Variants in ZNF490 observed in about 807,000 individuals in gnomAD.
ZNF490 encodes zinc finger protein 490.
In ZNF490, 11 loss-of-function variants were observed where a neutral mutation model predicts 17.7. The observed-to-expected ratio is 0.62, with a 90% CI of 0.39 to 1.03. The LOEUF is 1.03. ZNF490 is among the 50% of genes least tolerant of loss of function. ZNF490 has a pLI of 0.00. For missense variants in ZNF490, 542 were observed against 643.4 expected (o/e 0.84, Z 1.71); for synonymous variants, 222 against 216.1 (o/e 1.03, Z -0.24).
intron 2 of ZNF490, among the ~76,000 whole-genome samples, chr19:12,602,143 TC>T (rs1276900029): frequency 2.7e-5 from 4 of 148,270 alleles, no homozygotes; most frequent in Non-Finnish European, 6.0e-5. Context: ...TGGGCCTATT[TC>T]TGGAATTTCA....
At chr19:12,601,788 C>G (rs1010885818) in intron 2 of ZNF490, among the ~76,000 whole-genome samples, 5 of 151,686 alleles carry the variant, frequency 3.3e-5, no homozygotes, top group Admixed American at 6.6e-5. Context: ...GTCAGGAGAT[C>G]GAGACCATCC....
intron 2 of ZNF490, among the ~76,000 whole-genome samples, chr19:12,589,616 GGA>G (rs1410524226): frequency 2.0e-5 from 3 of 148,370 alleles, no homozygotes; most frequent in Admixed American, 6.8e-5. Flanking sequence ...TGCCCAGGCT[GGA>G]GTATATTGGC....
At chr19:12,606,535 C>G (rs4804201) in intron 2 of ZNF490, among the ~76,000 whole-genome samples, 95,935 of 151,254 alleles carry the variant, frequency 0.63, 31,214 homozygotes, top group Non-Finnish European at 0.69. Context: ...AGTAGAGATG[C>G]GGTTTCGCCA....
At chr19:12,591,326 G>A (rs2022868325) in intron 2 of ZNF490, among the ~76,000 whole-genome samples, 1 of 151,312 alleles carries the variant, frequency 6.6e-6, no homozygotes, top group Non-Finnish European at 1.5e-5. Flanking sequence ...AGAAGCTGAT[G>A]TTGCAGTGAG....
At position 12,577,680 on chromosome 19, in the gene ZNF490, C is replaced by A; in HGVS notation, c.*2805G>T. ...GGCCTCTGGACCCTAGTATCTTCAC[C>A]GTGGTTTTGGATGCTGCCACCTGAC... On this transcript the variant is annotated 3_prime_UTR_variant, in exon 5 of 5. Coordinates refer to ENST00000311437, the MANE Select transcript of ZNF490 (RefSeq NM_020714.3). The A allele has an allele frequency of 1.0e-6, 1 of 985,490 alleles. No individual in the cohort carries two copies. The highest frequency in any genetic ancestry group is 1.7e-5 in the African/African-American group (1 of 57,348). The allele number at this position is 985,490 out of a possible 1,614,324, so 61.0% of individuals were successfully genotyped here. A position where few individuals can be genotyped will look rare whatever the true frequency, so the allele number is the denominator to read the frequency against.
Position 12,576,122 on chromosome 19 carries a change from T to G in ZNF490, c.*4363A>C, listed in dbSNP as rs924787158. On this transcript the variant is annotated 3_prime_UTR_variant, in exon 5 of 5. Coordinates refer to ENST00000311437, the MANE Select transcript of ZNF490 (RefSeq NM_020714.3). ...ATCTTTGATGGTGAAAAACCATATT[T>G]TTAATATCTAATATCAGAAACAAGG... 1.4e-4 allele frequency among the ~76,000 whole-genome samples: 21 copies of G among 152,214 alleles called. No individual in the cohort carries two copies. The highest frequency in any genetic ancestry group is 5.1e-4 in the African/African-American group (21 of 41,462).
chr19:12,583,811 A>ATATT (rs1290469134), intron 2 of ZNF490, among the ~76,000 whole-genome samples: 1 of 78,666 alleles, frequency 1.3e-5, no homozygotes, highest in East Asian at 4.0e-4. Flanking sequence ...ATATATATAT[A>ATATT]TTTTTTTTTT....
At chr19:12,591,948 T>C (rs2022877679) in intron 2 of ZNF490, among the ~76,000 whole-genome samples, 1 of 152,184 alleles carries the variant, frequency 6.6e-6, no homozygotes, top group Non-Finnish European at 1.5e-5. Flanking sequence ...ATGCTTATAG[T>C]TTTATTCAAA....
chr19:12,610,619 CTCT>C lies in ZNF490; in HGVS notation c.59_61del (p.Gln20_Ser21delinsArg). On this transcript the variant is annotated inframe_deletion, in exon 1 of 5. Coordinates refer to ENST00000311437, the MANE Select transcript of ZNF490 (RefSeq NM_020714.3). Reference sequence around the variant, plus strand: ...GCGGCCTTGACTAGACGACCACTTGCTCTGGACTTGCTCCTCGAGGGGTCGCTC... The same window carrying C: ...GCGGCCTTGACTAGACGACCACTTGCGGACTTGCTCCTCGAGGGGTCGCTC... 1 of 1,614,026 alleles carries C rather than the reference CTCT, an allele frequency of 6.2e-7. No individual in the cohort carries two copies. The highest frequency in any genetic ancestry group is 8.5e-7 in the Non-Finnish European group (1 of 1,180,028).
At chr19:12,591,657 TA>T (rs955474892) in intron 2 of ZNF490, among the ~76,000 whole-genome samples, 2 of 150,776 alleles carry the variant, frequency 1.3e-5, no homozygotes, top group Admixed American at 1.3e-4. Flanking sequence ...CATTAGGGAA[TA>T]AAAAAAAACT....
chr19:12,599,363 A>C (rs2022975467), intron 2 of ZNF490, among the ~76,000 whole-genome samples: 1 of 152,174 alleles, frequency 6.6e-6, no homozygotes, highest in Non-Finnish European at 1.5e-5. Flanking sequence ...CATATCATAG[A>C]GTGTAAGTCA....
rs1458464238 is a variant in ZNF490, at chr19:12,576,614, G to A, written c.*3871C>T. Among the ~76,000 whole-genome samples the A allele has an allele frequency of 2.0e-5, 3 of 151,536 alleles. No homozygotes were observed. The South Asian group carries it at 6.2e-4, about 31-fold the overall frequency. On this transcript the variant is annotated 3_prime_UTR_variant, in exon 5 of 5. Coordinates refer to ENST00000311437, the MANE Select transcript of ZNF490 (RefSeq NM_020714.3). ...GTGGATCACAAGGTCAGGAGATTGAGACCATCCTGGTCAACATGGTGAAAC... is the reference window on the plus strand; with the variant it reads ...GTGGATCACAAGGTCAGGAGATTGAAACCATCCTGGTCAACATGGTGAAAC...
rs374202755 is a variant in ZNF490 at position 12,592,952 on chromosome 19, C to T, written c.163-9396G>A. 2.0e-5 allele frequency among the ~76,000 whole-genome samples: 3 copies of T among 152,170 alleles called. No homozygotes were observed. The East Asian group carries it at 5.8e-4, about 29-fold the overall frequency. Reference sequence around the variant, plus strand: ...ACTGGTTGATGAATGAAACATACAACCTTTCACTCAATTCATGAATTTTAT... The same window carrying T: ...ACTGGTTGATGAATGAAACATACAATCTTTCACTCAATTCATGAATTTTAT... On this transcript the variant is annotated intron_variant, in intron 2 of 4. Coordinates refer to ENST00000311437, the MANE Select transcript of ZNF490 (RefSeq NM_020714.3).
chr19:12,581,526 T>A lies in ZNF490; in HGVS notation c.549A>T (p.Pro183=). 6.2e-7 allele frequency: 1 copy of A among 1,614,200 alleles called. No homozygotes were observed. Among genetic ancestry groups the A allele is most frequent in the Non-Finnish European group, 8.5e-7 (1 of 1,180,038 alleles). Residue 183 remains proline (P), a synonymous_variant, in exon 5 of 5, where the codon CCA becomes CCT. Transcript: ENST00000311437. ...RHMRSHTEQK[P]NECHEYGEKP... is the part of the protein sequence containing the mutation. ...TCTCTCCATATTCGTGACACTCATTTGGTTTCTGTTCAGTGTGAGATCTCA... is the reference window on the plus strand; with the variant it reads ...TCTCTCCATATTCGTGACACTCATTAGGTTTCTGTTCAGTGTGAGATCTCA...
chr19:12,581,209 T>C lies in ZNF490; in HGVS notation c.866A>G (p.Tyr289Cys). Residue 289 changes from tyrosine to cysteine, a missense_variant, in exon 5 of 5, where the codon TAT becomes TGT. Physicochemically the swap from Tyr to Cys is radical, Grantham distance 194. Coordinates refer to ENST00000311437, the MANE Select transcript of ZNF490 (RefSeq NM_020714.3). ...KCKQCGKAFI[Y>C]YQPFLTHERT... ...TTCGTGGGTTAGAAAAGGCTGGTAA[T>C]ATATAAAGGCTTTTCCACACTGTTT... 6.2e-7 allele frequency: 1 copy of C among 1,610,518 alleles called. No individual in the cohort carries two copies. The highest frequency in any genetic ancestry group is 2.2e-5 in the East Asian group (1 of 44,852).
chr19:12,604,912 G>C (rs2023050138), intron 2 of ZNF490, among the ~76,000 whole-genome samples: 1 of 152,032 alleles, frequency 6.6e-6, no homozygotes, highest in Non-Finnish European at 1.5e-5. Context: ...CCAGCACTTT[G>C]GGAGGCCAAG....
chr19:12,604,183 G>A (rs1234317784), intron 2 of ZNF490, among the ~76,000 whole-genome samples: 1 of 152,208 alleles, frequency 6.6e-6, no homozygotes, highest in Non-Finnish European at 1.5e-5. Context: ...ATGCCTGGAG[G>A]TATCTCTTCA....
At chr19:12,583,809 A>ATTTT (rs2022778086) in intron 2 of ZNF490, among the ~76,000 whole-genome samples, 4 of 105,110 alleles carry the variant, frequency 3.8e-5, no homozygotes, top group African/African-American at 1.6e-4. Flanking sequence ...ATATATATAT[A>ATTTT]TATTTTTTTT....
rs550262629 is a variant in ZNF490, at chr19:12,577,653, T to A, written c.*2832A>T. The A allele has an allele frequency of 1.3e-5, 13 of 985,458 alleles. No individual in the cohort carries two copies. In the African/African-American group the frequency reaches 1.9e-4, roughly 15 times the overall value. 61.0% of individuals were successfully genotyped at this position (985,458 alleles called of 1,614,324 possible). ...CATCTGCCAGCAAACCTTGCTCCAG[T>A]CGGCCTCTGGACCCTAGTATCTTCA... On this transcript the variant is annotated 3_prime_UTR_variant, in exon 5 of 5. Coordinates refer to ENST00000311437, the MANE Select transcript of ZNF490 (RefSeq NM_020714.3).
Sources: allele counts gnomAD v4.1 joint callset (sites outside exome capture counted in the v4.1 genomes callset), GRCh38; gene constraint gnomAD v4.1.1; transcripts MANE v1.5; gene names NCBI Gene and HGNC (gene_info 2026-07-23, HGNC 2026-07-21).